VAV1: variants seen among roughly 807,000 people sequenced by gnomAD.
VAV1 encodes vav guanine nucleotide exchange factor 1.
A neutral mutation model predicts 128.1 loss-of-function variants in VAV1; 33 were observed. That is an observed-to-expected ratio of 0.26 (90% CI 0.20 to 0.34). The LOEUF is 0.34. VAV1 is among the 10% of genes least tolerant of loss of function. The pLI, the probability that VAV1 is intolerant of heterozygous loss-of-function variation, is 1.00. For missense variants in VAV1, 715 were observed against 1,093.7 expected, an observed-to-expected ratio of 0.65 and a Z score of 4.88; for synonymous variants, 394 against 409.8, an observed-to-expected ratio of 0.96 and a Z score of 0.47.
intron 1 of VAV1, among the ~76,000 whole-genome samples, chr19:6,819,701 T>C (rs1176426880): frequency 1.3e-5 from 2 of 152,138 alleles, no homozygotes; most frequent in Non-Finnish European, 2.9e-5. Context: ...ACTGACTTCA[T>C]GGAGAGTGTT....
At chr19:6,810,413 C>T (rs888979897) in intron 1 of VAV1, among the ~76,000 whole-genome samples, 2 of 152,092 alleles carry the variant, frequency 1.3e-5, no homozygotes, top group Non-Finnish European at 2.9e-5. Flanking sequence ...TATGAAATTA[C>T]TCTAACTTGG....
chr19:6,784,662 T>C (rs1269558938), intron 1 of VAV1, among the ~76,000 whole-genome samples: 1 of 151,988 alleles, frequency 6.6e-6, no homozygotes, highest in Non-Finnish European at 1.5e-5. Flanking sequence ...CCTAGCTGAT[T>C]TTTGTATTTT....
intron 1 of VAV1, among the ~76,000 whole-genome samples, chr19:6,796,961 G>C (rs1971148967): frequency 6.6e-6 from 1 of 152,176 alleles, no homozygotes; most frequent in Non-Finnish European, 1.5e-5. Flanking sequence ...TATTTGGCCA[G>C]GCACGGTGGC....
intron 1 of VAV1, among the ~76,000 whole-genome samples, chr19:6,774,169 G>A (rs939327694): frequency 3.3e-5 from 5 of 151,664 alleles, no homozygotes; most frequent in Admixed American, 2.6e-4. Context: ...ACTCTGTCAC[G>A]CAGGCTGGAG....
intron 1 of VAV1, among the ~76,000 whole-genome samples, chr19:6,791,688 A>G (rs1224971319): frequency 6.6e-6 from 1 of 152,218 alleles, no homozygotes; most frequent in South Asian, 2.1e-4. Context: ...GACCCATTCC[A>G]GACAGTAAAC....
chr19:6,822,008 C>T lies in VAV1; in HGVS notation c.449+149C>T. The T allele has an allele frequency of 1.7e-6, 2 of 1,179,964 alleles. No homozygotes were observed. Among genetic ancestry groups the T allele is most frequent in the Middle Eastern group, 2.1e-4 (1 of 4,684 alleles). The allele number at this position is 1,179,964 out of a possible 1,614,324, so 73.1% of individuals were successfully genotyped here. Reference sequence around the variant, plus strand: ...CCTTGCCTGAGAGTCTGGGGAGACACAGCCCTGCCCTGGGGTCTTGGGGGA... The same window carrying T: ...CCTTGCCTGAGAGTCTGGGGAGACATAGCCCTGCCCTGGGGTCTTGGGGGA... On this transcript the variant is annotated intron_variant, in intron 4 of 26. Coordinates refer to ENST00000602142, the MANE Select transcript of VAV1 (RefSeq NM_005428.4). The surrounding 1 kb of genome is among the most constrained non-coding windows in gnomAD (Gnocchi z 5.9).
chr19:6,773,449 C>T (rs1010923667), intron 1 of VAV1, among the ~76,000 whole-genome samples: 2 of 152,166 alleles, frequency 1.3e-5, no homozygotes, highest in African/African-American at 4.8e-5. Flanking sequence ...CATCTTCCCC[C>T]ACATGTGTCT....
intron 6 of VAV1, 65 bp from the exon 7 acceptor site, chr19:6,824,988 C>T: frequency 6.5e-7 from 1 of 1,536,780 alleles, no homozygotes; most frequent in Non-Finnish European, 9.0e-7. Context: ...CTTCCCCTGT[C>T]TCTCTGAGAC....
intron 1 of VAV1, among the ~76,000 whole-genome samples, chr19:6,778,871 C>G (rs1970700105): frequency 6.6e-6 from 1 of 150,438 alleles, no homozygotes; most frequent in Non-Finnish European, 1.5e-5. Context: ...GACCCCGTCT[C>G]TACTTTTTTT....
chr19:6,783,578 G>T (rs1202029374), intron 1 of VAV1, among the ~76,000 whole-genome samples: 1 of 149,278 alleles, frequency 6.7e-6, no homozygotes, highest in African/African-American at 2.5e-5. Context: ...CGCCTCCCAG[G>T]TTCAAGTGAT....
In VAV1 at chr19:6,822,384, G is replaced by A. The variant is rs1385138871; in HGVS notation, c.559-35G>A. 1 of 1,553,484 alleles carries A rather than the reference G, an allele frequency of 6.4e-7. No individual in the cohort carries two copies. The highest frequency in any genetic ancestry group is 8.7e-7 in the Non-Finnish European group (1 of 1,149,526). Reference sequence around the variant, plus strand: ...AGGGCGTGGGCGGGGGGCAGCCCCAGGCCCCCCAACACCGGCCTCTCCCCT... The same window carrying A: ...AGGGCGTGGGCGGGGGGCAGCCCCAAGCCCCCCAACACCGGCCTCTCCCCT... On this transcript the variant is annotated intron_variant, in intron 5 of 26. Coordinates refer to ENST00000602142, the MANE Select transcript of VAV1 (RefSeq NM_005428.4). The surrounding 1 kb of genome is among the most constrained non-coding windows in gnomAD (Gnocchi z 5.9).
intron 1 of VAV1, among the ~76,000 whole-genome samples, chr19:6,809,079 T>C (rs1484983389): frequency 1.6e-3 from 4 of 2,578 alleles, no homozygotes; most frequent in African/African-American, 2.6e-3. Flanking sequence ...CTACCTCTCT[T>C]TTTTTTTTTT....
chr19:6,825,890 A>G (rs960532351), intron 8 of VAV1, among the ~76,000 whole-genome samples: 1 of 151,932 alleles, frequency 6.6e-6, no homozygotes, highest in African/African-American at 2.4e-5. Context: ...AAATACAACT[A>G]AAAATACAAA....
chr19:6,789,696 C>T (rs769767559), intron 1 of VAV1, among the ~76,000 whole-genome samples: 18 of 151,868 alleles, frequency 1.2e-4, no homozygotes, highest in Non-Finnish European at 2.2e-4. Flanking sequence ...ATCATGGGTT[C>T]GAGTGATTCT....
chr19:6,808,653 T>G (rs904856622), intron 1 of VAV1, among the ~76,000 whole-genome samples: 1 of 152,192 alleles, frequency 6.6e-6, no homozygotes, highest in Non-Finnish European at 1.5e-5. Flanking sequence ...GGGGCTAGAA[T>G]GTTCCTCCCT....
At chr19:6,846,143 T>C (rs1250637619) in intron 22 of VAV1, among the ~76,000 whole-genome samples, 1 of 150,078 alleles carries the variant, frequency 6.7e-6, no homozygotes, top group African/African-American at 2.4e-5. Context: ...TAACATGATG[T>C]ATTTACACTT....
At chr19:6,836,858 A>G (rs377338056) in intron 20 of VAV1, 127 bp from the exon 21 acceptor site, 21 of 197,082 alleles carry the variant, frequency 1.1e-4, no homozygotes, top group South Asian at 9.8e-4. Context: ...ACACACACAC[A>G]CACACACACA....
chr19:6,824,391 G>A (rs772519762), intron 6 of VAV1, among the ~76,000 whole-genome samples: 1 of 152,088 alleles, frequency 6.6e-6, no homozygotes, highest in Non-Finnish European at 1.5e-5. Flanking sequence ...CATATAAAGG[G>A]CATCACATAC....
In VAV1 at chr19:6,799,379, A is replaced by G. The variant is rs1446008984; in HGVS notation, c.205-21323A>G. 2.0e-5 allele frequency among the ~76,000 whole-genome samples: 3 copies of G among 152,232 alleles called. No individual in the cohort carries two copies. The East Asian group carries it at 5.8e-4, about 29-fold the overall frequency. On this transcript the variant is annotated intron_variant, in intron 1 of 26. Coordinates refer to ENST00000602142, the MANE Select transcript of VAV1 (RefSeq NM_005428.4). ...AAGACAGGGTTTCACCATGTTGACC[A>G]GGCTGGTCTCGAACTCCTGACCTCA...
Sources: gnomAD v4.1 joint callset for allele counts (sites outside exome capture counted in the v4.1 genomes callset) on GRCh38, gnomAD v4.1.1 for gene constraint, Gnocchi (gnomAD v3.1) non-coding constraint, MANE v1.5 for transcripts, NCBI Gene and HGNC (gene_info 2026-07-23, HGNC 2026-07-21) for gene names.